DOCK1: variants seen among roughly 807,000 people sequenced by gnomAD.
The protein encoded by DOCK1 is dedicator of cytokinesis protein 1.
Under a neutral mutation model 262.7 loss-of-function variants are expected in DOCK1, and 138 were observed. The ratio of observed to expected loss-of-function variants is 0.53; its 90% CI spans 0.46 to 0.61. The LOEUF (loss-of-function observed/expected upper bound fraction) is 0.61, where lower values mean the gene tolerates loss of function less well. Ranked by LOEUF, DOCK1 falls within the 20% of genes least tolerant of loss-of-function variation. DOCK1 has a pLI of 0.00. For missense variants in DOCK1, 1,908 were observed against 2,370.7 expected, an observed-to-expected ratio of 0.80 and a Z score of 4.05; for synonymous variants, 866 against 867.4, an observed-to-expected ratio of 1.00 and a Z score of 0.03.
chr10:127,106,621 T>C (rs2048544846), intron 24 of DOCK1, among the ~76,000 whole-genome samples: 1 of 152,176 alleles, frequency 6.6e-6, no homozygotes, highest in African/African-American at 2.4e-5. Context: ...TTGCTCTTGT[T>C]TTCAGCACCT....
intron 27 of DOCK1, among the ~76,000 whole-genome samples, chr10:127,172,573 AG>A (rs149109958): frequency 0.049 from 7,510 of 152,170 alleles, 492 homozygotes; most frequent in African/African-American, 0.15. Context: ...ATTGAGCAAG[AG>A]GGGGCCCCAT....
chr10:127,258,630 A>G (rs1323907890), intron 29 of DOCK1, among the ~76,000 whole-genome samples: 3 of 152,200 alleles, frequency 2.0e-5, no homozygotes, highest in African/African-American at 2.4e-5. Context: ...TTGGGTGAAC[A>G]TGAGTTCGGT....
At position 126,987,726 on chromosome 10, in the gene DOCK1, C is replaced by T. The variant is rs899689989; in HGVS notation, c.324+109C>T. 13 of 1,007,398 alleles carry T rather than the reference C, an allele frequency of 1.3e-5. No individual in the cohort carries two copies. The African/African-American group carries it at 2.0e-4, about 15-fold the overall frequency. 62.4% of individuals were successfully genotyped at this position (1,007,398 alleles called of 1,614,324 possible). On this transcript the variant is annotated intron_variant, in intron 5 of 51. Coordinates refer to ENST00000623213, the MANE Select transcript of DOCK1 (RefSeq NM_001290223.2). The stretch of plus-strand genomic sequence containing the variant: ...TTCTCAGCGAAACTTAAAAGCAGAG[C>T]TTCCGAGACAGAGTTTTACTCGGAA...
chr10:127,365,206 G>A (rs1348643695), intron 33 of DOCK1, among the ~76,000 whole-genome samples: 1 of 152,210 alleles, frequency 6.6e-6, no homozygotes, highest in Non-Finnish European at 1.5e-5. Flanking sequence ...TTTCACTGCT[G>A]TGAATAACTG....
rs1565069073 is a variant in DOCK1 at position 127,409,424 on chromosome 10, G to A, written c.4343+33G>A. 1.9e-6 allele frequency: 3 copies of A among 1,603,692 alleles called. No homozygotes were observed. In the South Asian group the frequency reaches 3.3e-5, roughly 18 times the overall value. ...TCCCATTTTTCTTACCCAACGTGAG[G>A]GTTGTAAGAGGCTGTGTACAGATCT... On this transcript the variant is annotated intron_variant, in intron 42 of 51. Coordinates refer to ENST00000623213, the MANE Select transcript of DOCK1 (RefSeq NM_001290223.2).
chr10:127,290,352 C>T (rs1415513334), intron 29 of DOCK1, among the ~76,000 whole-genome samples: 5 of 151,982 alleles, frequency 3.3e-5, no homozygotes, highest in South Asian at 2.1e-4. Context: ...AACTCCTTTT[C>T]TGTGATATTC....
At chr10:127,156,829 A>G (rs112145238) in intron 27 of DOCK1, among the ~76,000 whole-genome samples, 1 of 151,794 alleles carries the variant, frequency 6.6e-6, no homozygotes, top group South Asian at 2.1e-4. Flanking sequence ...CGGCCTCCCA[A>G]AGTGTTGGGA....
chr10:127,141,150 C>T (rs1433074342), intron 27 of DOCK1, among the ~76,000 whole-genome samples: 3 of 152,208 alleles, frequency 2.0e-5, no homozygotes, highest in Non-Finnish European at 2.9e-5. Flanking sequence ...TCCACATAAC[C>T]TCCTTGTTGT....
chr10:127,109,038 CT>C lies in DOCK1; in HGVS notation c.2517-1209del, dbSNP rs1204139528. ...TTATAAAATGCTAGGATAAAATTTCCTGTAGCTTAATTGTAGTTTCTGCTCC... is the reference window on the plus strand; with the variant it reads ...TTATAAAATGCTAGGATAAAATTTCCGTAGCTTAATTGTAGTTTCTGCTCC... On this transcript the variant is annotated intron_variant, in intron 24 of 51. Transcript: ENST00000623213. 3.9e-5 allele frequency among the ~76,000 whole-genome samples: 6 copies of C among 152,226 alleles called. No individual in the cohort carries two copies. The East Asian group carries it at 1.2e-3, about 29-fold the overall frequency.
At chr10:127,354,343 C>T (rs893331107) in intron 31 of DOCK1, among the ~76,000 whole-genome samples, 10 of 152,260 alleles carry the variant, frequency 6.6e-5, no homozygotes, top group African/African-American at 1.9e-4. Flanking sequence ...TAGACGCTAA[C>T]GACATGCATG....
chr10:127,188,914 C>T (rs562998291), intron 27 of DOCK1, among the ~76,000 whole-genome samples: 28 of 152,334 alleles, frequency 1.8e-4, no homozygotes, highest in African/African-American at 6.7e-4. Flanking sequence ...CACACAGATA[C>T]TGGCAGAGCC....
In DOCK1 at chr10:126,954,816, T is replaced by C. The variant is rs919217500; in HGVS notation, c.47-15886T>C. Among the ~76,000 whole-genome samples the C allele has an allele frequency of 3.3e-4, 50 of 152,250 alleles. 1 individual carries two copies. The highest frequency in any genetic ancestry group is 4.6e-4 in the Non-Finnish European group (31 of 68,044). ...CATTATATGTACATACCACGTTTTA[T>C]CCATTCATCTGTTGATAGACATTTG... is the stretch of plus-strand genomic sequence containing the variant. On this transcript the variant is annotated intron_variant, in intron 1 of 51. Transcript: ENST00000623213.
At chr10:127,139,273 C>T (rs1046557010) in intron 27 of DOCK1, among the ~76,000 whole-genome samples, 4 of 152,054 alleles carry the variant, frequency 2.6e-5, no homozygotes, top group Non-Finnish European at 5.9e-5. Context: ...ACAGAAACAG[C>T]CAAGCTATAT....
chr10:126,931,395 G>T (rs962616670), intron 1 of DOCK1, among the ~76,000 whole-genome samples: 1 of 152,230 alleles, frequency 6.6e-6, no homozygotes, highest in Non-Finnish European at 1.5e-5. Flanking sequence ...ATCCTTCTCT[G>T]TGTGGAAGTC....
At chr10:127,389,085 AG>A (rs1322121885) in intron 38 of DOCK1, among the ~76,000 whole-genome samples, 1 of 152,164 alleles carries the variant, frequency 6.6e-6, no homozygotes, top group African/African-American at 2.4e-5. Context: ...CTTCCGTTAA[AG>A]AGGGGGCTTA....
intron 27 of DOCK1, among the ~76,000 whole-genome samples, chr10:127,208,506 A>G (rs774782029): frequency 1.3e-5 from 2 of 152,206 alleles, no homozygotes; most frequent in African/African-American, 2.4e-5. Flanking sequence ...AGTTTCTATA[A>G]TTGTTCTCTG....
At chr10:126,998,442 C>T in intron 8 of DOCK1, 193 bp downstream of exon 8, 3 of 613,120 alleles carry the variant, frequency 4.9e-6, no homozygotes, top group Non-Finnish European at 5.6e-6. Flanking sequence ...TCAGGGTGAA[C>T]CTTCTTGCGT....
intron 1 of DOCK1, among the ~76,000 whole-genome samples, chr10:126,955,392 C>T (rs1357637079): frequency 6.6e-6 from 1 of 152,210 alleles, no homozygotes. Context: ...TCCCAAAGGG[C>T]TGGGATTACA....
At chr10:127,403,958 CTCTTTGAACGTATCCCACT>C (rs2067368636) in intron 39 of DOCK1, among the ~76,000 whole-genome samples, 1 of 152,144 alleles carries the variant, frequency 6.6e-6, no homozygotes, top group Admixed American at 6.5e-5. Flanking sequence ...CCTTTAAATT[CTCTTTGAACGTATCCCACT>C]ATCTGACCTA....
Sources: allele counts gnomAD v4.1 joint callset (sites outside exome capture counted in the v4.1 genomes callset), GRCh38; gene constraint gnomAD v4.1.1; transcripts MANE v1.5; gene names NCBI Gene and HGNC (gene_info 2026-07-23, HGNC 2026-07-21).